PLEKHA6: variants seen among roughly 807,000 people sequenced by gnomAD.
PLEKHA6 encodes the protein pleckstrin homology domain containing A6.
In PLEKHA6, 60 loss-of-function variants were observed where a neutral mutation model predicts 116.7. That is an observed-to-expected ratio of 0.51 (90% CI 0.42 to 0.64). PLEKHA6 has a LOEUF of 0.64. PLEKHA6 is among the 30% of genes least tolerant of loss of function. The pLI, the probability that PLEKHA6 is intolerant of heterozygous loss-of-function variation, is 0.00. For missense variants in PLEKHA6, 1,338 were observed against 1,422.7 expected (o/e 0.94, Z 0.96); for synonymous variants, 489 against 556.1 (o/e 0.88, Z 1.70).
chr1:204,307,810 C>A, intron 1 of PLEKHA6: 4 of 928,434 alleles, frequency 4.3e-6, no homozygotes, highest in Non-Finnish European at 5.1e-6. Context: ...GAGAGCCCTG[C>A]CAGGTGCTCT....
At chr1:204,258,162 C>T (rs2098206520) in intron 8 of PLEKHA6, among the ~76,000 whole-genome samples, 1 of 152,130 alleles carries the variant, frequency 6.6e-6, no homozygotes, top group Admixed American at 6.5e-5. Flanking sequence ...TCAGCATGAA[C>T]CAGTTTATCA....
intron 1 of PLEKHA6, among the ~76,000 whole-genome samples, chr1:204,329,229 A>G (rs1332008795): frequency 1.3e-5 from 2 of 152,192 alleles, no homozygotes; most frequent in Non-Finnish European, 2.9e-5. Context: ...GACTCCCTCC[A>G]TCAGTACGAA....
At chr1:204,349,415 C>A (rs974653484) in intron 1 of PLEKHA6, among the ~76,000 whole-genome samples, 1 of 152,022 alleles carries the variant, frequency 6.6e-6, no homozygotes, top group African/African-American at 2.4e-5. Context: ...GTGGTGTGTG[C>A]CTGTAATCCC....
intron 2 of PLEKHA6, among the ~76,000 whole-genome samples, chr1:204,371,053 C>CAAAAAAAAA (rs34493461): frequency 7.3e-5 from 5 of 68,482 alleles, no homozygotes; most frequent in African/African-American, 2.4e-4. Context: ...GACTCTGCCT[C>CAAAAAAAAA]AAAAAAAAAA....
chr1:204,329,731 C>A (rs2103263895), intron 1 of PLEKHA6, among the ~76,000 whole-genome samples: 1 of 152,190 alleles, frequency 6.6e-6, no homozygotes. Flanking sequence ...ATGCAATCAG[C>A]CAAATCCAGA....
At chr1:204,273,827 C>A in intron 2 of PLEKHA6, 87 bp from the exon 3 acceptor site, 1 of 898,286 alleles carries the variant, frequency 1.1e-6, no homozygotes. Flanking sequence ...CCCTGCCACC[C>A]ACTGTTTCAG....
At chr1:204,292,406 G>C (rs537672429) in intron 1 of PLEKHA6, among the ~76,000 whole-genome samples, 1 of 152,288 alleles carries the variant, frequency 6.6e-6, no homozygotes, top group Non-Finnish European at 1.5e-5. Context: ...ACCTCAGTCC[G>C]AAGCTCTTTC....
intron 1 of PLEKHA6, among the ~76,000 whole-genome samples, chr1:204,338,345 C>T (rs1672728002): frequency 6.6e-6 from 1 of 152,196 alleles, no homozygotes; most frequent in Admixed American, 6.5e-5. Flanking sequence ...AGCTCCTAGC[C>T]TGCTCTGTTA....
intron 3 of PLEKHA6, among the ~76,000 whole-genome samples, chr1:204,269,267 C>T (rs1667183522): frequency 6.7e-6 from 1 of 150,142 alleles, no homozygotes; most frequent in Non-Finnish European, 1.5e-5. Context: ...CAGCTCCTCC[C>T]GGTTTTCGTT....
Position 204,259,620 on chromosome 1 carries a change from G to A in PLEKHA6, c.645C>T (p.Gly215=). ...CAGGCCTTCTCTCTGCCTTCTCACAGCCTCGGCCATCACCCTCCCCTCGAG... is the reference window on the plus strand; with the variant it reads ...CAGGCCTTCTCTCTGCCTTCTCACAACCTCGGCCATCACCCTCCCCTCGAG... ...AKTRGEGDGR[G]CEKAERRPER... Residue 215 remains glycine (G), a synonymous_variant, in exon 8 of 23, where the codon GGC becomes GGT. Transcript: ENST00000272203. This position sits in a 1 kb window ranked among gnomAD's most constrained non-coding sequence, Gnocchi z 4.6. The A allele has an allele frequency of 6.2e-7, 1 of 1,614,124 alleles. No individual in the cohort carries two copies. Among genetic ancestry groups the A allele is most frequent in the Non-Finnish European group, 8.5e-7 (1 of 1,180,038 alleles).
In PLEKHA6 at chr1:204,219,476, T is replaced by C. The variant is rs1181926658; in HGVS notation, c.*3312A>G. The stretch of plus-strand genomic sequence containing the variant: ...ACTGCAGCCTCTTGGTTATTGATCA[T>C]GGAGGTAATGTGCTCATTGAGAAGG... On this transcript the variant is annotated 3_prime_UTR_variant, in exon 23 of 23. Transcript: ENST00000272203. The C allele has an allele frequency of 6.6e-6, 1 of 152,262 alleles. No individual in the cohort carries two copies. The highest frequency in any genetic ancestry group is 6.5e-5 in the Admixed American group (1 of 15,276). 9.4% of individuals were successfully genotyped at this position (152,262 alleles called of 1,614,324 possible). A position where few individuals can be genotyped will look rare whatever the true frequency, so the allele number is the denominator to read the frequency against.
chr1:204,373,729 T>A (rs1384934893), intron 1 of PLEKHA6, among the ~76,000 whole-genome samples: 1 of 152,190 alleles, frequency 6.6e-6, no homozygotes, highest in Admixed American at 6.5e-5. Flanking sequence ...ATGCTTTTTT[T>A]TCTATTGACT....
intron 1 of PLEKHA6, chr1:204,320,342 C>G: frequency 4.5e-6 from 1 of 223,012 alleles, no homozygotes; most frequent in Non-Finnish European, 7.5e-6. Flanking sequence ...ATGGGGGGTG[C>G]TTCTTAGGTG....
intron 17 of PLEKHA6, among the ~76,000 whole-genome samples, chr1:204,233,448 C>A (rs1661506623): frequency 6.6e-6 from 1 of 151,176 alleles, no homozygotes; most frequent in East Asian, 1.9e-4. Flanking sequence ...TCAAGCGATT[C>A]TCCTGCCTCA....
rs3795572 is a variant in PLEKHA6 at position 204,222,281 on chromosome 1, T to C, written c.*507A>G. 0.53 allele frequency: 80,727 copies of C among 152,556 alleles called. 21,943 individuals are homozygous for C. Among genetic ancestry groups the C allele is most frequent in the African/African-American group, 0.66 (27,480 of 41,410 alleles). 9.5% of individuals were successfully genotyped at this position (152,556 alleles called of 1,614,324 possible). A position where few individuals can be genotyped will look rare whatever the true frequency, so the allele number is the denominator to read the frequency against. ...AAAGCCCTGGGTCCAGCTGAGGCAG[T>C]AGGGTGGGGCTGACGAGGATAGGGA... On this transcript the variant is annotated 3_prime_UTR_variant, in exon 23 of 23. Coordinates refer to ENST00000272203, the MANE Select transcript of PLEKHA6 (RefSeq NM_014935.5).
At chr1:204,335,374 C>G (rs930618530) in intron 1 of PLEKHA6, among the ~76,000 whole-genome samples, 2 of 152,086 alleles carry the variant, frequency 1.3e-5, no homozygotes, top group African/African-American at 4.8e-5. Context: ...GGCTGGCTCC[C>G]TTGGACCAAG....
chr1:204,262,124 C>G (rs1666201611), intron 6 of PLEKHA6: 1 of 152,430 alleles, frequency 6.6e-6, no homozygotes, highest in South Asian at 2.1e-4. Context: ...GTGAGGAGCA[C>G]AGGGAAGGGG....
intron 18 of PLEKHA6, among the ~76,000 whole-genome samples, chr1:204,229,733 T>G (rs1045277903): frequency 6.6e-6 from 1 of 152,214 alleles, no homozygotes; most frequent in Non-Finnish European, 1.5e-5. Context: ...TCCAGTGATT[T>G]CATATTATAG....
At chr1:204,368,871 T>A (rs1673719630) in intron 2 of PLEKHA6, 1 of 152,250 alleles carries the variant, frequency 6.6e-6, no homozygotes. Context: ...TCCACACGCC[T>A]GCCTTGTGTA....
Sources: gnomAD v4.1 joint callset for allele counts (sites outside exome capture counted in the v4.1 genomes callset) on GRCh38, gnomAD v4.1.1 for gene constraint, Gnocchi (gnomAD v3.1) non-coding constraint, MANE v1.5 for transcripts, NCBI Gene and HGNC (gene_info 2026-07-23, HGNC 2026-07-21) for gene names.